The following CTIF variants were observed in gnomAD, a reference collection of about 807,000 sequenced individuals.
The protein encoded by CTIF is CBP80/20-dependent translation initiation factor.
Under a neutral mutation model 66.0 loss-of-function variants are expected in CTIF, and 21 were observed. The ratio of observed to expected loss-of-function variants is 0.32; its 90% confidence interval spans 0.23 to 0.46. The LOEUF (loss-of-function observed/expected upper bound fraction) is 0.46. Among genes scored for constraint, CTIF ranks in the 20% least tolerant of loss-of-function variants. The pLI is 1.00. For synonymous variants in CTIF, 345 were observed against 326.4 expected, an observed-to-expected ratio of 1.06 and a Z score of -0.62; for missense variants, 739 against 812.7, an observed-to-expected ratio of 0.91 and a Z score of 1.10.
rs551389484 is a variant in CTIF at position 48,859,934 on chromosome 18, C to T, written c.*375C>T. 8 of 484,616 alleles carry T rather than the reference C, an allele frequency of 1.7e-5. No individual in the cohort carries two copies. The highest frequency in any genetic ancestry group is 7.7e-5 in the South Asian group (5 of 64,830). The allele number at this position is 484,616 out of a possible 1,614,324, so 30.0% of individuals were successfully genotyped here. On this transcript the variant is annotated 3_prime_UTR_variant, in exon 12 of 12. Transcript: ENST00000256413. ...CGGAGACCTTGGCAGCCTCGCACGC[C>T]GGGGCACCGCTTGGGTCAGAAAGGA...
intron 7 of CTIF, among the ~76,000 whole-genome samples, chr18:48,729,336 A>T (rs908208098): frequency 1.3e-5 from 2 of 152,200 alleles, no homozygotes; most frequent in Admixed American, 1.3e-4. Context: ...CTTAAACTCT[A>T]TAATCTCAAT....
intron 9 of CTIF, among the ~76,000 whole-genome samples, chr18:48,813,088 C>A (rs2068294496): frequency 6.6e-6 from 1 of 151,724 alleles, no homozygotes; most frequent in Admixed American, 6.6e-5. Context: ...CCAAGTTTAT[C>A]TTCTGCATTA....
intron 10 of CTIF, among the ~76,000 whole-genome samples, chr18:48,832,625 G>T (rs532581378): frequency 1.3e-5 from 2 of 152,178 alleles, no homozygotes; most frequent in East Asian, 3.8e-4. Flanking sequence ...TGTGTGGAAG[G>T]CACAATTAGC....
At chr18:48,692,737 A>G (rs1004164907) in intron 6 of CTIF, 1 of 152,192 alleles carries the variant, frequency 6.6e-6, no homozygotes, top group Non-Finnish European at 1.5e-5. Flanking sequence ...AATGGTTCCC[A>G]CATTTTGCTG....
At chr18:48,623,273 T>C (rs112857161) in intron 2 of CTIF, among the ~76,000 whole-genome samples, 184 of 152,344 alleles carry the variant, frequency 1.2e-3, no homozygotes, top group South Asian at 3.9e-3. Context: ...CCTCGAAGAA[T>C]GCAGACACCT....
At chr18:48,842,689 T>C (rs1370249867) in intron 10 of CTIF, among the ~76,000 whole-genome samples, 1 of 152,262 alleles carries the variant, frequency 6.6e-6, no homozygotes, top group African/African-American at 2.4e-5. Flanking sequence ...ACTATAACTT[T>C]GAATTTCCTG....
intron 3 of CTIF, among the ~76,000 whole-genome samples, chr18:48,660,760 G>GATGCCA (rs2144875631): frequency 6.6e-6 from 1 of 152,332 alleles, no homozygotes; most frequent in African/African-American, 2.4e-5. Context: ...TAGTAGCCAA[G>GATGCCA]ATGCCAACCT....
At chr18:48,543,428 T>C (rs2088671661) in intron 1 of CTIF, among the ~76,000 whole-genome samples, 6 of 152,152 alleles carry the variant, frequency 3.9e-5, no homozygotes, top group Admixed American at 3.9e-4. Flanking sequence ...GCTCAGCTGC[T>C]TCCTTTCAGG....
At chr18:48,705,334 C>T (rs1230356494) in intron 6 of CTIF, among the ~76,000 whole-genome samples, 3 of 152,186 alleles carry the variant, frequency 2.0e-5, no homozygotes, top group Non-Finnish European at 4.4e-5. Context: ...AACACTGCCT[C>T]CGTCTTCACA....
intron 9 of CTIF, among the ~76,000 whole-genome samples, chr18:48,778,032 C>T (rs1448733740): frequency 1.3e-5 from 2 of 152,174 alleles, no homozygotes; most frequent in East Asian, 3.8e-4. Context: ...ACGCCTGGGG[C>T]CCCTGTGGTC....
chr18:48,815,358 C>G (rs1188005555), intron 9 of CTIF, among the ~76,000 whole-genome samples: 1 of 152,234 alleles, frequency 6.6e-6, no homozygotes, highest in Non-Finnish European at 1.5e-5. Context: ...CACAACTTCT[C>G]TATCCTCAGA....
intron 1 of CTIF, among the ~76,000 whole-genome samples, chr18:48,564,366 C>T (rs764233163): frequency 6.6e-6 from 1 of 152,104 alleles, no homozygotes; most frequent in East Asian, 1.9e-4. Flanking sequence ...AGTACAGCTC[C>T]GTGTCACAGC....
chr18:48,731,870 G>A (rs1024378842), intron 7 of CTIF, among the ~76,000 whole-genome samples: 11 of 152,194 alleles, frequency 7.2e-5, no homozygotes, highest in Non-Finnish European at 1.3e-4. Context: ...AGGTTTTGCA[G>A]GCCATAGGGT....
At chr18:48,597,414 C>T (rs2144077948) in intron 1 of CTIF, among the ~76,000 whole-genome samples, 1 of 152,276 alleles carries the variant, frequency 6.6e-6, no homozygotes. Flanking sequence ...ATATGATCTC[C>T]AGTGTTGGAG....
chr18:48,644,735 A>C (rs1211052633), intron 3 of CTIF, among the ~76,000 whole-genome samples: 1 of 152,198 alleles, frequency 6.6e-6, no homozygotes, highest in Non-Finnish European at 1.5e-5. Flanking sequence ...TCTGGAGGAG[A>C]TGGCAGCATG....
chr18:48,570,317 G>A (rs1390117477), intron 1 of CTIF, among the ~76,000 whole-genome samples: 1 of 152,198 alleles, frequency 6.6e-6, no homozygotes, highest in Admixed American at 6.5e-5. Context: ...GAGGAAATGG[G>A]GCTTTAATAA....
At chr18:48,642,538 G>T (rs114241101) in intron 3 of CTIF, among the ~76,000 whole-genome samples, 4 of 152,292 alleles carry the variant, frequency 2.6e-5, no homozygotes, top group East Asian at 1.9e-4. Flanking sequence ...TTACTCAAGT[G>T]GGGGGCTGAG....
chr18:48,806,198 T>C (rs2068143578), intron 9 of CTIF, among the ~76,000 whole-genome samples: 1 of 152,226 alleles, frequency 6.6e-6, no homozygotes, highest in Admixed American at 6.5e-5. Context: ...CACCTTTTAT[T>C]TGAAAATTAG....
chr18:48,615,723 C>CG (rs921024370), intron 1 of CTIF, among the ~76,000 whole-genome samples: 1 of 152,154 alleles, frequency 6.6e-6, no homozygotes, highest in African/African-American at 2.4e-5. Context: ...TGCCAGGGGC[C>CG]GGGGGCTTCC....
Sources: allele counts gnomAD v4.1 joint callset (sites outside exome capture counted in the v4.1 genomes callset), GRCh38; gene constraint gnomAD v4.1.1; transcripts MANE v1.5; gene names NCBI Gene and HGNC (gene_info 2026-07-23, HGNC 2026-07-21).